Variants in RELN observed in about 807,000 individuals in gnomAD.
The protein encoded by RELN is reelin.
RELN carries 108 observed loss-of-function variants against 427.6 expected under a neutral mutation model. The observed-to-expected ratio is 0.25, with a 90% confidence interval of 0.22 to 0.30. RELN has a LOEUF of 0.30. RELN is among the 10% of genes least tolerant of loss of function. The pLI is 1.00. For missense variants in RELN, 3,715 were observed against 4,302.8 expected (o/e 0.86, Z 3.82); for synonymous variants, 1,524 against 1,513.4 (o/e 1.01, Z -0.16).
At chr7:103,566,058 T>C (rs914151394) in intron 33 of RELN, among the ~76,000 whole-genome samples, 166 bp downstream of exon 33, 2 of 152,170 alleles carry the variant, frequency 1.3e-5, no homozygotes, top group African/African-American at 4.8e-5. Flanking sequence ...GTCACTAGGA[T>C]CACCAAGTTG....
chr7:103,511,122 ACT>A, intron 50 of RELN, 117 bp from the exon 51 acceptor site: 2 of 722,402 alleles, frequency 2.8e-6, no homozygotes, highest in Non-Finnish European at 5.0e-6. Context: ...TATTATATAC[ACT>A]CTATAGACAA....
chr7:103,679,852 C>T (rs891196262), intron 11 of RELN, among the ~76,000 whole-genome samples: 1 of 152,282 alleles, frequency 6.6e-6, no homozygotes. Flanking sequence ...ATCTTCTAAA[C>T]TATGCTTGGT....
At position 103,989,459 on chromosome 7, in the gene RELN, A is replaced by G. The variant is rs1159832208; in HGVS notation, c.-103T>C. 1.3e-5 allele frequency: 14 copies of G among 1,041,846 alleles called. No homozygotes were observed. The highest frequency in any genetic ancestry group is 3.8e-5 in the Admixed American group (1 of 26,186). The allele number at this position is 1,041,846 out of a possible 1,614,324, so 64.5% of individuals were successfully genotyped here. A position where few individuals can be genotyped will look rare whatever the true frequency, so the allele number is the denominator to read the frequency against. ...AGCCACGCGGAGAGAAGGCGAGAAG[A>G]AGGCGGACGGGAGCGGAACGGGCTC... On this transcript the variant is annotated 5_prime_UTR_variant, in exon 1 of 65. Transcript: ENST00000428762. This position sits in a 1 kb window ranked among gnomAD's most constrained non-coding sequence, Gnocchi z 4.9.
At chr7:103,490,890 T>C (rs1828627476) in intron 58 of RELN, 61 bp from the exon 59 acceptor site, 1 of 1,539,000 alleles carries the variant, frequency 6.5e-7, no homozygotes, top group Non-Finnish European at 9.0e-7. Flanking sequence ...TCTGTTAATG[T>C]CAAGGTAATG....
chr7:103,989,169 C>T lies in RELN; in HGVS notation c.188G>A (p.Gly63Asp), dbSNP rs1085307660. 6.2e-6 allele frequency: 10 copies of T among 1,613,934 alleles called. No individual in the cohort carries two copies. The East Asian group carries it at 2.2e-4, about 36-fold the overall frequency. ...TCCCGGAACGTAGTAGGTGGGGTTG[C>T]CCGCAATATGCAGGGAAATGAGCAC... ...GEVLISLHIA[G>D]NPTYYVPGQE... Residue 63 changes from glycine to aspartate, a missense_variant, in exon 1 of 65, where the codon GGC becomes GAC. Physicochemically the swap from Gly to Asp is moderately conservative, Grantham distance 94. This residue lies in a region of RELN where 2,208 missense variants were observed against 2,361.7 expected (regional missense o/e 0.93). Transcript: ENST00000428762. The surrounding 1 kb of genome is among the most constrained non-coding windows in gnomAD (Gnocchi z 4.9).
chr7:103,503,977 G>A (rs752475169), intron 51 of RELN, among the ~76,000 whole-genome samples: 3 of 151,612 alleles, frequency 2.0e-5, no homozygotes, highest in Non-Finnish European at 4.4e-5. Flanking sequence ...AGGCCGAGAC[G>A]GGTGGATCAC....
intron 28 of RELN, among the ~76,000 whole-genome samples, chr7:103,586,526 C>T (rs1211522145): frequency 6.6e-6 from 1 of 152,060 alleles, no homozygotes; most frequent in Non-Finnish European, 1.5e-5. Context: ...TACTAGAAGT[C>T]TTAGCTAAAG....
intron 37 of RELN, among the ~76,000 whole-genome samples, chr7:103,557,469 T>C (rs920327596): frequency 2.0e-5 from 3 of 152,238 alleles, no homozygotes; most frequent in Non-Finnish European, 2.9e-5. Flanking sequence ...ATCACGATTT[T>C]ACAAAGGGTC....
intron 11 of RELN, among the ~76,000 whole-genome samples, chr7:103,673,673 C>T (rs1270582803): frequency 6.6e-6 from 1 of 151,868 alleles, no homozygotes; most frequent in East Asian, 1.9e-4. Context: ...TTTGTTTTTT[C>T]CTAATACTTG....
intron 2 of RELN, among the ~76,000 whole-genome samples, chr7:103,862,409 T>TCGTTCTA (rs144615322): frequency 6.9e-6 from 1 of 144,734 alleles, no homozygotes; most frequent in East Asian, 2.1e-4. Context: ...TATGCTTTTG[T>TCGTTCTA]TCTATCTATC....
At chr7:103,905,968 G>A (rs927035892) in intron 2 of RELN, among the ~76,000 whole-genome samples, 7 of 152,208 alleles carry the variant, frequency 4.6e-5, no homozygotes, top group East Asian at 3.9e-4. Context: ...CCCAGAGACC[G>A]AGCCAGAAAG....
At chr7:103,550,141 A>G (rs1197967298) in intron 41 of RELN, among the ~76,000 whole-genome samples, 5 of 152,236 alleles carry the variant, frequency 3.3e-5, no homozygotes, top group African/African-American at 4.8e-5. Flanking sequence ...TTAGCAATCA[A>G]TTTATAAAAG....
chr7:103,822,544 T>C (rs1054117315), intron 3 of RELN, among the ~76,000 whole-genome samples: 1 of 152,092 alleles, frequency 6.6e-6, no homozygotes, highest in Non-Finnish European at 1.5e-5. Context: ...TTCTATAACA[T>C]AATCTTCTGG....
chr7:103,922,775 A>C (rs73712299), intron 1 of RELN, among the ~76,000 whole-genome samples: 23,150 of 152,134 alleles, frequency 0.15, 3,944 homozygotes, highest in African/African-American at 0.41. Context: ...ACATTTAATG[A>C]TGTTTGCATT....
Position 103,848,146 on chromosome 7 carries a change from G to A in RELN, c.338-14474C>T, listed in dbSNP as rs191556716. Among the ~76,000 whole-genome samples, 74 of 152,230 alleles carry A rather than the reference G, an allele frequency of 4.9e-4. 1 individual carries two copies. Among genetic ancestry groups the A allele is most frequent in the African/African-American group, 1.7e-3 (71 of 41,540 alleles). ...AGAGGCTTTCTGGAGTTAGACAAGG[G>A]TTACCACGCCTCTTGTTCATCACTT... On this transcript the variant is annotated intron_variant, in intron 2 of 64. Transcript: ENST00000428762.
chr7:103,580,578 AT>A (rs973077585), intron 28 of RELN, among the ~76,000 whole-genome samples: 7 of 151,904 alleles, frequency 4.6e-5, no homozygotes, highest in Non-Finnish European at 7.4e-5. Flanking sequence ...TTAATTAATT[AT>A]TTTTTTTATT....
intron 1 of RELN, among the ~76,000 whole-genome samples, chr7:103,961,531 T>C (rs1313883011): frequency 1.3e-5 from 2 of 152,238 alleles, no homozygotes; most frequent in Admixed American, 6.5e-5. Flanking sequence ...AGAAATGGTG[T>C]ATTCTTACAA....
intron 2 of RELN, among the ~76,000 whole-genome samples, chr7:103,916,763 C>G (rs186788251): frequency 4.8e-4 from 73 of 152,174 alleles, no homozygotes; most frequent in African/African-American, 1.7e-3. Context: ...GCGTGGACAT[C>G]AGAGCAAATT....
At position 103,511,625 on chromosome 7, in the gene RELN, C is replaced by T. The variant is rs938818569; in HGVS notation, c.8120-620G>A. ...GGGTATGGTGGCTCATGCCTGTAATCCCAGCACTTTGAAAGGCTGAAGTGG... is the reference window on the plus strand; with the variant it reads ...GGGTATGGTGGCTCATGCCTGTAATTCCAGCACTTTGAAAGGCTGAAGTGG... On this transcript the variant is annotated intron_variant, in intron 50 of 64. Coordinates refer to ENST00000428762, the MANE Select transcript of RELN (RefSeq NM_005045.4). 6.6e-5 allele frequency among the ~76,000 whole-genome samples: 10 copies of T among 152,054 alleles called. No individual in the cohort carries two copies. The East Asian group carries it at 1.9e-3, about 29-fold the overall frequency.
Sources: gnomAD v4.1 joint callset for allele counts (sites outside exome capture counted in the v4.1 genomes callset) on GRCh38, gnomAD v4.1.1 for gene constraint, gnomAD v4.1.1 regional missense constraint, Gnocchi (gnomAD v3.1) non-coding constraint, MANE v1.5 for transcripts, NCBI Gene and HGNC (gene_info 2026-07-23, HGNC 2026-07-21) for gene names.